Variants in CNTLN observed in about 807,000 individuals in gnomAD.
CNTLN encodes the protein centlein, also known as centlein, centrosomal protein.
In CNTLN, 212 loss-of-function variants were observed where a neutral mutation model predicts 180.0. The ratio of observed to expected loss-of-function variants is 1.18; its 90% confidence interval spans 1.05 to 1.32. CNTLN has a LOEUF of 1.32. Among genes scored for constraint, CNTLN ranks in the 40% most tolerant of loss-of-function variants. The pLI is 0.00. For missense variants in CNTLN, 2,095 were observed against 1,610.9 expected (o/e 1.30, Z -5.14); for synonymous variants, 722 against 563.1 (o/e 1.28, Z -3.99).
rs191480587 is a variant in CNTLN, at chr9:17,392,094, C to T, written c.2080-2440C>T. ...ACCAATCAAGGCAACACAATGCGACCCCATCTCTACAAAATATAAAAAATT... is the reference window on the plus strand; with the variant it reads ...ACCAATCAAGGCAACACAATGCGACTCCATCTCTACAAAATATAAAAAATT... On this transcript the variant is annotated intron_variant, in intron 14 of 25. Coordinates refer to ENST00000380647, the MANE Select transcript of CNTLN (RefSeq NM_017738.4). 4.6e-5 allele frequency among the ~76,000 whole-genome samples: 7 copies of T among 152,058 alleles called. No individual in the cohort carries two copies. In the South Asian group the frequency reaches 1.0e-3, roughly 23 times the overall value.
chr9:17,309,326 T>C, intron 8 of CNTLN, 74 bp downstream of exon 8: 1 of 1,193,926 alleles, frequency 8.4e-7, no homozygotes, highest in Non-Finnish European at 1.2e-6. Flanking sequence ...GACTAAAACA[T>C]AAAAATTTAA....
chr9:17,513,092 T>C, the CNTLN span, among the ~76,000 whole-genome samples: 3 of 152,154 alleles, frequency 2.0e-5, no homozygotes, highest in Non-Finnish European at 2.9e-5. Context: ...GTGCTGGGAT[T>C]ACAGGCCACG....
At chr9:17,224,025 A>C (rs1824310683) in intron 2 of CNTLN, among the ~76,000 whole-genome samples, 1 of 151,962 alleles carries the variant, frequency 6.6e-6, no homozygotes, top group Non-Finnish European at 1.5e-5. Flanking sequence ...CTTCCTTTAG[A>C]TCTCTCCTCA....
rs568116464 is a variant in CNTLN at position 17,183,895 on chromosome 9, A to T, written c.449+40519A>T. ...TTTCCTTTAATATTCAGATATAGTTATATTCACCAGATAAGAAATGTACCT... is the reference window on the plus strand; with the variant it reads ...TTTCCTTTAATATTCAGATATAGTTTTATTCACCAGATAAGAAATGTACCT... On this transcript the variant is annotated intron_variant, in intron 2 of 25. Coordinates refer to ENST00000380647, the MANE Select transcript of CNTLN (RefSeq NM_017738.4). 3.3e-4 allele frequency among the ~76,000 whole-genome samples: 50 copies of T among 152,212 alleles called. 1 individual carries two copies. The highest frequency in any genetic ancestry group is 1.2e-3 in the African/African-American group (49 of 41,560).
intron 12 of CNTLN, among the ~76,000 whole-genome samples, chr9:17,349,356 A>G (rs1439136995): frequency 2.0e-5 from 3 of 152,146 alleles, no homozygotes; most frequent in African/African-American, 7.2e-5. Context: ...TGTTTAAGTA[A>G]TAAGATGTAC....
At chr9:17,331,201 A>C (rs1820619998) in intron 9 of CNTLN, among the ~76,000 whole-genome samples, 1 of 151,932 alleles carries the variant, frequency 6.6e-6, no homozygotes, top group South Asian at 2.1e-4. Context: ...TATGTCTTTC[A>C]ATCAGATATG....
At chr9:17,202,776 C>T (rs1563876280) in intron 2 of CNTLN, among the ~76,000 whole-genome samples, 1 of 149,996 alleles carries the variant, frequency 6.7e-6, no homozygotes, top group Admixed American at 6.7e-5. Flanking sequence ...ACCCATGGGT[C>T]TTGACTCTAA....
chr9:17,493,988 T>C (rs1833308473), intron 25 of CNTLN, among the ~76,000 whole-genome samples: 1 of 152,188 alleles, frequency 6.6e-6, no homozygotes. Flanking sequence ...GCCTCTTTAA[T>C]TCAATATCTT....
intron 7 of CNTLN, among the ~76,000 whole-genome samples, chr9:17,302,379 G>A (rs931248828): frequency 1.3e-5 from 2 of 151,824 alleles, no homozygotes; most frequent in Admixed American, 6.6e-5. Flanking sequence ...TGTACTTTTC[G>A]ATAGAGACTG....
the CNTLN span, among the ~76,000 whole-genome samples, chr9:17,518,017 T>C: frequency 1.4e-5 from 2 of 147,868 alleles, no homozygotes; most frequent in African/African-American, 5.0e-5. Context: ...TCCATAAAGT[T>C]TTTTTTCTTT....
chr9:17,296,305 A>G (rs1239878444), intron 6 of CNTLN, among the ~76,000 whole-genome samples: 2 of 152,106 alleles, frequency 1.3e-5, no homozygotes, highest in East Asian at 3.9e-4. Flanking sequence ...GGTGTGAGCC[A>G]TCGCACCCTG....
At chr9:17,423,233 T>A (rs1427229521) in intron 18 of CNTLN, among the ~76,000 whole-genome samples, 1 of 152,112 alleles carries the variant, frequency 6.6e-6, no homozygotes, top group Non-Finnish European at 1.5e-5. Flanking sequence ...CTGCCACTGA[T>A]GTTTATTTGA....
chr9:17,292,055 T>C (rs1829451372), intron 6 of CNTLN, among the ~76,000 whole-genome samples: 1 of 152,210 alleles, frequency 6.6e-6, no homozygotes, highest in Admixed American at 6.5e-5. Flanking sequence ...CCTTAGCTTA[T>C]GAAGCTTAGT....
At chr9:17,263,141 A>C (rs920002600) in intron 5 of CNTLN, among the ~76,000 whole-genome samples, 10 of 149,420 alleles carry the variant, frequency 6.7e-5, no homozygotes, top group Admixed American at 4.0e-4. Context: ...TGCTGCACCC[A>C]TTAAGTCGTC....
chr9:17,305,983 G>A (rs900109491), intron 7 of CNTLN, among the ~76,000 whole-genome samples: 4 of 152,070 alleles, frequency 2.6e-5, no homozygotes, highest in Non-Finnish European at 4.4e-5. Context: ...TGCTTGGAAG[G>A]ATGGATATTC....
intron 13 of CNTLN, among the ~76,000 whole-genome samples, chr9:17,375,585 A>G (rs1755878896): frequency 6.6e-6 from 1 of 152,180 alleles, no homozygotes; most frequent in Non-Finnish European, 1.5e-5. Flanking sequence ...ATTCATTGAT[A>G]AAGTTTTCCT....
intron 18 of CNTLN, among the ~76,000 whole-genome samples, chr9:17,426,618 C>T (rs969002547): frequency 1.3e-5 from 2 of 151,576 alleles, no homozygotes; most frequent in African/African-American, 2.4e-5. Flanking sequence ...AACTCTTGTT[C>T]TCTTCTTGGA....
At chr9:17,215,093 C>T (rs1054979975) in intron 2 of CNTLN, among the ~76,000 whole-genome samples, 15 of 152,304 alleles carry the variant, frequency 9.8e-5, no homozygotes, top group Middle Eastern at 3.4e-3. Flanking sequence ...CCGTTGCTGG[C>T]GAGGAGCTGC....
Position 17,416,135 on chromosome 9 carries a change from C to G in CNTLN, c.3060C>G (p.Leu1020=). The change falls in exon 18 of 26, where the codon CTC becomes CTG. Residue 1020 remains leucine (L), a synonymous_variant. Coordinates refer to ENST00000380647, the MANE Select transcript of CNTLN (RefSeq NM_017738.4). Reference sequence around the variant, plus strand: ...ATAAAGAAGTTAATGAAAAGCTCCTCCATCAACAGCAAGTATCCGATCAAC... The same window carrying G: ...ATAAAGAAGTTAATGAAAAGCTCCTGCATCAACAGCAAGTATCCGATCAAC... ...KEYKEVNEKL[L]HQQQVSDQRF... 1.2e-6 allele frequency: 2 copies of G among 1,613,468 alleles called. No individual in the cohort carries two copies. The highest frequency in any genetic ancestry group is 8.5e-7 in the Non-Finnish European group (1 of 1,179,706).
Sources: gnomAD v4.1 joint callset for allele counts (sites outside exome capture counted in the v4.1 genomes callset) on GRCh38, gnomAD v4.1.1 for gene constraint, MANE v1.5 for transcripts, NCBI Gene and HGNC (gene_info 2026-07-23, HGNC 2026-07-21) for gene names.